Variants in TCF12 observed in about 807,000 individuals in gnomAD.
The protein encoded by TCF12 is transcription factor 12.
TCF12 carries 45 observed loss-of-function variants against 86.0 expected under a neutral mutation model. That is an observed-to-expected ratio of 0.52 (90% confidence interval 0.41 to 0.67). The LOEUF is 0.67. TCF12 is among the 30% of genes least tolerant of loss of function. The pLI is 0.00. For missense variants in TCF12, 881 were observed against 859.9 expected (o/e 1.02, Z -0.31); for synonymous variants, 330 against 299.6 (o/e 1.10, Z -1.05).
intron 5 of TCF12, among the ~76,000 whole-genome samples, chr15:57,152,153 C>G (rs2151463670): frequency 6.6e-6 from 1 of 152,322 alleles, no homozygotes; most frequent in South Asian, 2.1e-4. Context: ...AACTGATTGT[C>G]TGAATTTCTC....
intron 5 of TCF12, among the ~76,000 whole-genome samples, chr15:57,158,908 C>T (rs915825802): frequency 1.3e-5 from 2 of 152,148 alleles, no homozygotes; most frequent in Non-Finnish European, 2.9e-5. Flanking sequence ...GTGTGGTTGG[C>T]ACAAATGTTA....
chr15:57,055,587 C>G (rs1208403075), intron 3 of TCF12, among the ~76,000 whole-genome samples: 1 of 152,068 alleles, frequency 6.6e-6, no homozygotes, highest in Non-Finnish European at 1.5e-5. Context: ...TCCCACATCC[C>G]CCAACCCCAA....
chr15:57,130,689 T>C (rs182358928), intron 5 of TCF12, among the ~76,000 whole-genome samples: 1 of 152,334 alleles, frequency 6.6e-6, no homozygotes, highest in East Asian at 1.9e-4. Flanking sequence ...ATTCTTTTTT[T>C]TCTGGTTTTG....
intron 5 of TCF12, among the ~76,000 whole-genome samples, chr15:57,098,873 A>G (rs1300567065): frequency 2.0e-5 from 3 of 152,150 alleles, no homozygotes; most frequent in African/African-American, 7.2e-5. Flanking sequence ...TCCCTCTTTC[A>G]CCTTGCAAAT....
intron 5 of TCF12, among the ~76,000 whole-genome samples, chr15:57,151,460 G>C (rs1263158420): frequency 1.3e-5 from 2 of 152,022 alleles, no homozygotes; most frequent in African/African-American, 4.8e-5. Flanking sequence ...CTAGGGTGTG[G>C]AAAACTATAA....
chr15:57,147,772 T>C (rs916570512), intron 5 of TCF12, among the ~76,000 whole-genome samples: 1 of 151,980 alleles, frequency 6.6e-6, no homozygotes, highest in African/African-American at 2.4e-5. Context: ...ACAATACAAA[T>C]TAAAGCAGAG....
chr15:57,198,793 G>A (rs780365183), intron 8 of TCF12, among the ~76,000 whole-genome samples: 2 of 152,164 alleles, frequency 1.3e-5, no homozygotes, highest in African/African-American at 2.4e-5. Context: ...CGCCAGATGA[G>A]TCAGCTCATC....
chr15:57,081,916 G>T (rs570696352), intron 4 of TCF12, among the ~76,000 whole-genome samples: 9 of 152,208 alleles, frequency 5.9e-5, no homozygotes, highest in African/African-American at 2.2e-4. Flanking sequence ...AATTAGGGAG[G>T]ATGAGTGAAG....
intron 8 of TCF12, among the ~76,000 whole-genome samples, chr15:57,224,085 CT>C (rs1426689873): frequency 3.9e-5 from 6 of 152,002 alleles, no homozygotes; most frequent in Non-Finnish European, 8.8e-5. Context: ...AGTACAAATA[CT>C]AGTGAGTTAA....
chr15:56,980,787 C>T (rs1341861332), intron 3 of TCF12, among the ~76,000 whole-genome samples: 1 of 152,166 alleles, frequency 6.6e-6, no homozygotes, highest in Non-Finnish European at 1.5e-5. Context: ...TCATGTTTGG[C>T]TGTTTACTCA....
At chr15:57,194,202 G>A (rs912970728) in intron 7 of TCF12, among the ~76,000 whole-genome samples, 5 of 152,088 alleles carry the variant, frequency 3.3e-5, no homozygotes, top group Admixed American at 6.6e-5. Flanking sequence ...ATTAAAACTT[G>A]TATCTTCTTC....
intron 18 of TCF12, among the ~76,000 whole-genome samples, chr15:57,269,088 T>G (rs1312655847): frequency 2.6e-5 from 4 of 152,170 alleles, no homozygotes; most frequent in Non-Finnish European, 5.9e-5. Context: ...TTGTTAATTT[T>G]CTGTCTCGTT....
intron 6 of TCF12, among the ~76,000 whole-genome samples, chr15:57,188,606 G>A (rs2056811618): frequency 6.6e-6 from 1 of 152,102 alleles, no homozygotes; most frequent in Admixed American, 6.5e-5. Flanking sequence ...ATAGACCAAT[G>A]GGATAGAATT....
At chr15:56,932,683 C>G (rs1296591850) in intron 3 of TCF12, among the ~76,000 whole-genome samples, 1 of 151,966 alleles carries the variant, frequency 6.6e-6, no homozygotes, top group African/African-American at 2.4e-5. Context: ...ATTTTTGTGC[C>G]TCAGCCTTCC....
intron 3 of TCF12, among the ~76,000 whole-genome samples, chr15:56,946,062 C>T (rs371729499): frequency 8.5e-5 from 13 of 152,170 alleles, no homozygotes; most frequent in African/African-American, 2.7e-4. Context: ...CTCAGTCTCA[C>T]GTACTCTGTT....
chr15:57,043,641 T>A (rs1207182023), intron 3 of TCF12, among the ~76,000 whole-genome samples: 4 of 152,234 alleles, frequency 2.6e-5, no homozygotes, highest in Non-Finnish European at 5.9e-5. Context: ...CTTAATTGAT[T>A]TAAAACAATA....
intron 3 of TCF12, among the ~76,000 whole-genome samples, chr15:56,934,034 G>A (rs2060362352): frequency 6.6e-6 from 1 of 152,154 alleles, no homozygotes; most frequent in African/African-American, 2.4e-5. Flanking sequence ...GTTTGGATGA[G>A]TCTTTTTGGT....
intron 5 of TCF12, among the ~76,000 whole-genome samples, chr15:57,092,920 A>G (rs1053681361): frequency 2.0e-5 from 3 of 152,192 alleles, no homozygotes; most frequent in Non-Finnish European, 4.4e-5. Context: ...GTGGTCTGCA[A>G]TTTATTTAAA....
chr15:57,114,322 G>C (rs1487319559), intron 5 of TCF12, among the ~76,000 whole-genome samples: 2 of 150,594 alleles, frequency 1.3e-5, no homozygotes, highest in Non-Finnish European at 2.9e-5. Flanking sequence ...ACAGGATCCT[G>C]TTCTGTTGTG....
Sources: gnomAD v4.1 joint callset for allele counts (sites outside exome capture counted in the v4.1 genomes callset) on GRCh38, gnomAD v4.1.1 for gene constraint, MANE v1.5 for transcripts, NCBI Gene and HGNC (gene_info 2026-07-23, HGNC 2026-07-21) for gene names.